RGS7: variants seen among roughly 807,000 people sequenced by gnomAD.
RGS7 encodes regulator of G-protein signaling 7.
In RGS7, 27 loss-of-function variants were observed where a neutral mutation model predicts 81.1. That is an observed-to-expected ratio of 0.33 (90% CI 0.25 to 0.46). RGS7 has a LOEUF of 0.46. Among genes scored for constraint, RGS7 ranks in the 20% least tolerant of loss-of-function variants. The probability of loss-of-function intolerance (pLI) is 1.00; values close to 1 mark genes in which losing one functional copy is unlikely to be tolerated. For missense variants in RGS7, 396 were observed against 607.4 expected, an observed-to-expected ratio of 0.65 and a Z score of 3.66; for synonymous variants, 208 against 207.7, an observed-to-expected ratio of 1.00 and a Z score of -0.01.
chr1:240,868,396 T>A lies in RGS7; in HGVS notation c.609+191A>T, dbSNP rs539902836. 1.7e-3 allele frequency among the ~76,000 whole-genome samples: 264 copies of A among 152,302 alleles called. No homozygotes were observed. Among genetic ancestry groups the A allele is most frequent in the African/African-American group, 5.9e-3 (246 of 41,570 alleles). The stretch of plus-strand genomic sequence containing the variant: ...CATGGTGGGAAAATGCATGGTTTTA[T>A]AAATTAAATACGATGCTATTGAGGT... On this transcript the variant is annotated intron_variant, in intron 9 of 18. Transcript: ENST00000440928. The surrounding 1 kb of genome is among the most constrained non-coding windows in gnomAD (Gnocchi z 5.1).
intron 3 of RGS7, among the ~76,000 whole-genome samples, chr1:240,994,298 T>C (rs1259667998): frequency 1.3e-5 from 2 of 152,220 alleles, no homozygotes; most frequent in East Asian, 3.9e-4. Context: ...AGGTTATTCT[T>C]CATGGATTTG....
intron 2 of RGS7, among the ~76,000 whole-genome samples, chr1:241,252,999 T>C (rs1025562998): frequency 6.6e-6 from 1 of 152,182 alleles, no homozygotes; most frequent in African/African-American, 2.4e-5. Context: ...ATGTAATACA[T>C]AGCACCCTAG....
rs560170369 is a variant in RGS7, at chr1:241,027,556, G to A, written c.176-44427C>T. 2.6e-5 allele frequency among the ~76,000 whole-genome samples: 4 copies of A among 152,288 alleles called. No homozygotes were observed. In the East Asian group the frequency reaches 7.7e-4, roughly 29 times the overall value. ...GGTATATGTACTCCAGGGGAAAGAT[G>A]CTGGTGGCTTAGCCTAGCGTGATGA... On this transcript the variant is annotated intron_variant, in intron 3 of 18. Coordinates refer to ENST00000440928, the MANE Select transcript of RGS7 (RefSeq NM_001364886.1).
At chr1:241,001,158 A>G (rs1688088844) in intron 3 of RGS7, among the ~76,000 whole-genome samples, 1 of 152,144 alleles carries the variant, frequency 6.6e-6, no homozygotes, top group Non-Finnish European at 1.5e-5. Context: ...TCATAGGCTA[A>G]TTTTTACTTT....
intron 3 of RGS7, among the ~76,000 whole-genome samples, chr1:241,063,562 GTACAGGATT>G (rs2061859750): frequency 6.6e-6 from 1 of 152,114 alleles, no homozygotes; most frequent in Non-Finnish European, 1.5e-5. Context: ...CTCTTTAAAG[GTACAGGATT>G]TATTTATTTG....
intron 18 of RGS7, among the ~76,000 whole-genome samples, chr1:240,780,378 T>C (rs1198968308): frequency 7.0e-6 from 1 of 143,578 alleles, no homozygotes; most frequent in African/African-American, 2.7e-5. Context: ...GAGGCGGAGG[T>C]TGCAGTGAGC....
At chr1:241,086,998 C>T (rs1572623843) in intron 3 of RGS7, among the ~76,000 whole-genome samples, 1 of 152,196 alleles carries the variant, frequency 6.6e-6, no homozygotes, top group Non-Finnish European at 1.5e-5. Context: ...TCCTGCAGCC[C>T]TCTGGGTTTA....
intron 9 of RGS7, among the ~76,000 whole-genome samples, chr1:240,839,356 A>C (rs932448285): frequency 6.6e-6 from 1 of 152,212 alleles, no homozygotes; most frequent in African/African-American, 2.4e-5. Context: ...GTGAGAGTTT[A>C]AACAGCTACT....
intron 6 of RGS7, among the ~76,000 whole-genome samples, chr1:240,874,437 AT>A (rs1665013801): frequency 6.6e-6 from 1 of 152,226 alleles, no homozygotes; most frequent in African/African-American, 2.4e-5. Flanking sequence ...GAAGACTGAC[AT>A]TTTTATTACA....
At chr1:241,237,816 G>A (rs1172971046) in intron 2 of RGS7, among the ~76,000 whole-genome samples, 1 of 152,170 alleles carries the variant, frequency 6.6e-6, no homozygotes, top group East Asian at 1.9e-4. Context: ...AGTATAATTT[G>A]AGCCAGGAAA....
chr1:241,249,210 G>T (rs1444222228), intron 2 of RGS7, among the ~76,000 whole-genome samples: 3 of 151,834 alleles, frequency 2.0e-5, no homozygotes, highest in Non-Finnish European at 4.4e-5. Flanking sequence ...AGGACTCTAA[G>T]ATTTTCTTCT....
intron 3 of RGS7, among the ~76,000 whole-genome samples, chr1:241,009,408 C>T (rs1221875815): frequency 6.6e-6 from 1 of 152,184 alleles, no homozygotes. Context: ...CATGAATAAA[C>T]ACTTTTAACC....
In RGS7 at chr1:240,909,207, C is replaced by T. The variant is rs75744973; in HGVS notation, c.385+21510G>A. ...AGTTGAAAATTTATGTTTATGTTATCCTCATCAATTTAGTTTGTTATAAGT... is the reference window on the plus strand; with the variant it reads ...AGTTGAAAATTTATGTTTATGTTATTCTCATCAATTTAGTTTGTTATAAGT... On this transcript the variant is annotated intron_variant, in intron 6 of 18. Coordinates refer to ENST00000440928, the MANE Select transcript of RGS7 (RefSeq NM_001364886.1). Among the ~76,000 whole-genome samples the T allele has an allele frequency of 1.1e-3, 175 of 152,224 alleles. 5 individuals carry two copies. The East Asian group carries it at 0.032, about 28-fold the overall frequency.
intron 2 of RGS7, among the ~76,000 whole-genome samples, chr1:241,292,675 G>C (rs2079154592): frequency 6.6e-6 from 1 of 151,984 alleles, no homozygotes; most frequent in Admixed American, 6.6e-5. Flanking sequence ...GTTAACAGTA[G>C]GTAGATCTGT....
chr1:240,904,937 G>A (rs1244326711), intron 6 of RGS7, among the ~76,000 whole-genome samples: 1 of 152,114 alleles, frequency 6.6e-6, no homozygotes, highest in Non-Finnish European at 1.5e-5. Flanking sequence ...AGCATGATAG[G>A]GTGCTTGCCC....
At chr1:241,190,073 A>C (rs763863927) in intron 2 of RGS7, among the ~76,000 whole-genome samples, 4 of 151,914 alleles carry the variant, frequency 2.6e-5, no homozygotes, top group Admixed American at 6.6e-5. Flanking sequence ...ACTGCACTCC[A>C]GCCTGGGCGA....
intron 3 of RGS7, among the ~76,000 whole-genome samples, chr1:241,018,684 A>G (rs1167264801): frequency 6.6e-6 from 1 of 151,974 alleles, no homozygotes; most frequent in Non-Finnish European, 1.5e-5. Flanking sequence ...CTTCTGCATA[A>G]GTCTCATTTA....
chr1:240,812,152 C>A (rs1437045267), intron 13 of RGS7, 109 bp from the exon 14 acceptor site: 26 of 1,160,852 alleles, frequency 2.2e-5, no homozygotes, highest in Non-Finnish European at 2.4e-5. Flanking sequence ...CCCATCTTTA[C>A]CTTTTCTTTA....
At chr1:240,965,211 C>T (rs528628616) in intron 4 of RGS7, among the ~76,000 whole-genome samples, 3 of 152,302 alleles carry the variant, frequency 2.0e-5, no homozygotes, top group African/African-American at 7.2e-5. Context: ...TAGGCCTCTA[C>T]TGTCCTCATT....
Sources: gnomAD v4.1 joint callset for allele counts (sites outside exome capture counted in the v4.1 genomes callset) on GRCh38, gnomAD v4.1.1 for gene constraint, Gnocchi (gnomAD v3.1) non-coding constraint, MANE v1.5 for transcripts, NCBI Gene and HGNC (gene_info 2026-07-23, HGNC 2026-07-21) for gene names.